CAMK2B: variants seen among roughly 807,000 people sequenced by gnomAD.
CAMK2B encodes calcium/calmodulin dependent protein kinase II beta, also known as calcium/calmodulin-dependent protein kinase type II subunit beta.
Under a neutral mutation model 93.7 loss-of-function variants are expected in CAMK2B, and 27 were observed. The ratio of observed to expected loss-of-function variants is 0.29; its 90% CI spans 0.21 to 0.40. The LOEUF is 0.40. Among genes scored for constraint, CAMK2B ranks in the 10% least tolerant of loss-of-function variants. The probability of loss-of-function intolerance (pLI) is 1.00; values close to 1 mark genes in which losing one functional copy is unlikely to be tolerated. For synonymous variants in CAMK2B, 374 were observed against 358.8 expected (o/e 1.04, Z -0.48); for missense variants, 568 against 895.8 (o/e 0.63, Z 4.67).
intron 1 of CAMK2B, among the ~76,000 whole-genome samples, chr7:44,322,176 G>A (rs371608373): frequency 3.9e-5 from 6 of 152,208 alleles, no homozygotes; most frequent in East Asian, 1.9e-4. Context: ...ACACATCGAC[G>A]AGCACAGGTG....
chr7:44,220,562 G>C, intron 22 of CAMK2B, 54 bp downstream of exon 22: 2 of 1,471,184 alleles, frequency 1.4e-6, no homozygotes, highest in Non-Finnish European at 1.9e-6. Flanking sequence ...GAGGGGCCGA[G>C]AGGCTCTCCT....
chr7:44,316,143 T>C (rs554049792), intron 1 of CAMK2B, among the ~76,000 whole-genome samples: 19 of 152,290 alleles, frequency 1.2e-4, no homozygotes, highest in African/African-American at 4.6e-4. Context: ...CCATTAAATA[T>C]GAGGTTAGCT....
At chr7:44,276,724 G>C (rs1200636223) in intron 2 of CAMK2B, among the ~76,000 whole-genome samples, 2 of 152,188 alleles carry the variant, frequency 1.3e-5, no homozygotes, top group African/African-American at 4.8e-5. Flanking sequence ...TCGGGCCTGG[G>C]AGGTGAGCCC....
intron 1 of CAMK2B, among the ~76,000 whole-genome samples, chr7:44,289,466 T>C (rs546778678): frequency 4.6e-5 from 7 of 152,288 alleles, no homozygotes; most frequent in African/African-American, 1.7e-4. Context: ...TTACCAAGAT[T>C]ACCGGCTCTT....
rs546811175 is a variant in CAMK2B at position 44,292,542 on chromosome 7, G to C, written c.66-8317C>G. 7.2e-5 allele frequency among the ~76,000 whole-genome samples: 11 copies of C among 152,328 alleles called. No individual in the cohort carries two copies. In the South Asian group the frequency reaches 2.3e-3, roughly 32 times the overall value. ...AGATGATAGGTGCAAAAGGGGTTCTGTGAGAAAAGAAGTTTGGGAACCAGT... is the reference window on the plus strand; with the variant it reads ...AGATGATAGGTGCAAAAGGGGTTCTCTGAGAAAAGAAGTTTGGGAACCAGT... On this transcript the variant is annotated intron_variant, in intron 1 of 23. Transcript: ENST00000395749.
At chr7:44,239,278 G>GA (rs398085767) in intron 13 of CAMK2B, among the ~76,000 whole-genome samples, 3 of 151,834 alleles carry the variant, frequency 2.0e-5, no homozygotes, top group African/African-American at 7.3e-5. Context: ...GCTCCCTGTG[G>GA]GCCCAGGCCA....
intron 8 of CAMK2B, among the ~76,000 whole-genome samples, chr7:44,242,931 G>A (rs1422149628): frequency 6.6e-6 from 1 of 152,186 alleles, no homozygotes; most frequent in Non-Finnish European, 1.5e-5. Context: ...TACCCAAGGA[G>A]GTGGCCCTGC....
At chr7:44,321,002 G>GGA (rs1180981433) in intron 1 of CAMK2B, among the ~76,000 whole-genome samples, 2 of 152,208 alleles carry the variant, frequency 1.3e-5, no homozygotes, top group African/African-American at 4.8e-5. Flanking sequence ...GGGGCATCTG[G>GGA]GAGAGCCTGC....
chr7:44,314,297 C>T (rs1794316668), intron 1 of CAMK2B, among the ~76,000 whole-genome samples: 4 of 152,204 alleles, frequency 2.6e-5, no homozygotes, highest in Admixed American at 2.6e-4. Context: ...CATCCTCTTT[C>T]CATCCATTCT....
At chr7:44,255,980 C>T (rs1256353509) in intron 4 of CAMK2B, among the ~76,000 whole-genome samples, 1 of 149,608 alleles carries the variant, frequency 6.7e-6, no homozygotes, top group African/African-American at 2.4e-5. Context: ...TGTTCCCTTT[C>T]CTTTCCCCAT....
At position 44,248,761 on chromosome 7, in the gene CAMK2B, A is replaced by G. The variant is rs1194321174; in HGVS notation, c.342-1569T>C. 1.3e-5 allele frequency among the ~76,000 whole-genome samples: 2 copies of G among 152,180 alleles called. No homozygotes were observed. Among genetic ancestry groups the G allele is most frequent in the African/African-American group, 4.8e-5 (2 of 41,428 alleles). On this transcript the variant is annotated intron_variant, in intron 5 of 23. Transcript: ENST00000395749. This position sits in a 1 kb window ranked among gnomAD's most constrained non-coding sequence, Gnocchi z 4.1. ...TCTGTACAGCGTCAGCCATTGCATT[A>G]AAAAGTGAATCTGAGTTTCCTCCTG... is the stretch of plus-strand genomic sequence containing the variant.
intron 2 of CAMK2B, among the ~76,000 whole-genome samples, chr7:44,267,664 C>T (rs1044724758): frequency 2.4e-4 from 36 of 152,154 alleles, no homozygotes; most frequent in Admixed American, 2.0e-3. Context: ...CTAAGAGAGA[C>T]GCTGGCAAAA....
chr7:44,277,186 A>AG (rs1309478675), intron 2 of CAMK2B, among the ~76,000 whole-genome samples: 2 of 152,118 alleles, frequency 1.3e-5, no homozygotes, highest in Non-Finnish European at 2.9e-5. Flanking sequence ...GGGTTGGGGT[A>AG]GGGGGTAGAT....
intron 1 of CAMK2B, among the ~76,000 whole-genome samples, chr7:44,300,026 G>GTGTC (rs1217994709): frequency 1.0e-5 from 1 of 98,182 alleles, no homozygotes; most frequent in Non-Finnish European, 2.7e-5. Flanking sequence ...GTGTCTGTGT[G>GTGTC]TGTGTGTGTG....
intron 1 of CAMK2B, chr7:44,324,938 C>T (rs1393582132): frequency 6.6e-6 from 1 of 152,006 alleles, no homozygotes; most frequent in Non-Finnish European, 1.5e-5. Context: ...ACAGCGCACC[C>T]GCGTCGGGGA....
chr7:44,307,191 A>G (rs1486294516), intron 1 of CAMK2B, among the ~76,000 whole-genome samples: 51 of 41,098 alleles, frequency 1.2e-3, no homozygotes, highest in African/African-American at 1.5e-3. Context: ...GTGTGAGCAG[A>G]GAGAGGAGGG....
chr7:44,228,489 G>A (rs571447704), intron 19 of CAMK2B, among the ~76,000 whole-genome samples: 11 of 152,254 alleles, frequency 7.2e-5, no homozygotes, highest in Admixed American at 1.3e-4. Flanking sequence ...GGGGGGCCTC[G>A]GAGGGGCCAG....
intron 13 of CAMK2B, among the ~76,000 whole-genome samples, chr7:44,236,358 T>C (rs1181189996): frequency 6.6e-6 from 1 of 152,186 alleles, no homozygotes; most frequent in Non-Finnish European, 1.5e-5. Flanking sequence ...AGCCTCCCCT[T>C]CCTCACAGAT....
intron 8 of CAMK2B, 68 bp downstream of exon 8, chr7:44,243,182 C>T: frequency 8.3e-7 from 1 of 1,208,294 alleles, no homozygotes; most frequent in East Asian, 2.4e-5. Flanking sequence ...CTGCACACTC[C>T]AGGATGTAGG....
Sources: allele counts gnomAD v4.1 joint callset (sites outside exome capture counted in the v4.1 genomes callset), GRCh38; gene constraint gnomAD v4.1.1; non-coding constraint Gnocchi (gnomAD v3.1); transcripts MANE v1.5; gene names NCBI Gene and HGNC (gene_info 2026-07-23, HGNC 2026-07-21).